The following P2RY8 variants were observed in gnomAD, a reference collection of about 807,000 sequenced individuals.
P2RY8 encodes P2Y receptor family member 8.
Under a neutral mutation model 10.0 loss-of-function variants are expected in P2RY8, and 6 were observed. The observed-to-expected ratio is 0.60, with a 90% CI of 0.33 to 1.19. The LOEUF (loss-of-function observed/expected upper bound fraction) is 1.19, where lower values mean the gene tolerates loss of function less well. P2RY8 is among the 50% of genes most tolerant of loss of function. The pLI, the probability that P2RY8 is intolerant of heterozygous loss-of-function variation, is 0.04. For synonymous variants in P2RY8, 276 were observed against 252.5 expected (o/e 1.09, Z -0.88); for missense variants, 456 against 542.0 (o/e 0.84, Z 1.58).
chrX:1,519,301 T>A, intron 1 of P2RY8, among the ~76,000 whole-genome samples: 1 of 151,922 alleles, frequency 6.6e-6, no homozygotes, highest in East Asian at 1.9e-4. Context: ...TTCTCTCCGA[T>A]CTCCAATTAT....
chrX:1,483,187 T>C (rs1235300815), intron 1 of P2RY8, among the ~76,000 whole-genome samples: 1 of 152,214 alleles, frequency 6.6e-6, no homozygotes, highest in Non-Finnish European at 1.5e-5. Flanking sequence ...AATTGTGATC[T>C]GGTGGATTCT....
chrX:1,493,150 TTG>T (rs1370937874), intron 1 of P2RY8, among the ~76,000 whole-genome samples: 1 of 148,450 alleles, frequency 6.7e-6, no homozygotes, highest in African/African-American at 2.5e-5. Flanking sequence ...TAGCCGGGCG[TTG>T]GGGTGGGCGC....
In P2RY8 at chrX:1,464,446, G is replaced by A. The variant is rs2091633526; in HGVS notation, c.*1033C>T. ...GCTTGGTCTCCAAACGGTCTCATGG[G>A]TCAGGCCAGTTGCCTGCTTCCTGGA... On this transcript the variant is annotated 3_prime_UTR_variant, in exon 2 of 2. Transcript: ENST00000381297. 2 of 233,518 alleles carry A rather than the reference G, an allele frequency of 8.6e-6. No homozygotes were observed. Among genetic ancestry groups the A allele is most frequent in the Non-Finnish European group, 1.7e-5 (2 of 118,274 alleles). The allele number at this position is 233,518 out of a possible 1,614,324, so 14.5% of individuals were successfully genotyped here.
intron 1 of P2RY8, among the ~76,000 whole-genome samples, chrX:1,527,317 T>TATCCATCC (rs1185782663): frequency 6.6e-6 from 1 of 151,928 alleles, no homozygotes; most frequent in South Asian, 2.1e-4. Flanking sequence ...TCCACTCATC[T>TATCCATCC]ATCCATCCAT....
chrX:1,514,326 A>C (rs868653498), intron 1 of P2RY8, among the ~76,000 whole-genome samples: 9 of 122,298 alleles, frequency 7.4e-5, no homozygotes, highest in African/African-American at 1.5e-4. Context: ...TTTCCTTTCC[A>C]TTTCTTTCCT....
At chrX:1,494,249 G>A (rs1434115621) in intron 1 of P2RY8, 1 of 152,270 alleles carries the variant, frequency 6.6e-6, no homozygotes, top group Non-Finnish European at 1.5e-5. Flanking sequence ...GAGCAGGAGT[G>A]GAGGGCCAGC....
chrX:1,515,079 T>G (rs1254421128), intron 1 of P2RY8, among the ~76,000 whole-genome samples: 2 of 150,428 alleles, frequency 1.3e-5, no homozygotes, highest in African/African-American at 2.4e-5. Flanking sequence ...CAGCTAATTT[T>G]TGTATTTTTA....
chrX:1,502,735 C>G (rs2092192229), intron 1 of P2RY8, among the ~76,000 whole-genome samples: 2 of 152,132 alleles, frequency 1.3e-5, no homozygotes, highest in South Asian at 4.2e-4. Context: ...TCTGGGTGGG[C>G]CTTAAATGCA....
intron 1 of P2RY8, among the ~76,000 whole-genome samples, chrX:1,493,593 A>G (rs2092088191): frequency 6.6e-6 from 1 of 152,156 alleles, no homozygotes; most frequent in South Asian, 2.1e-4. Flanking sequence ...TCTCCTCCCC[A>G]CAAAACAAAA....
Position 1,463,429 on chromosome X carries a change from G to A in P2RY8, c.*2050C>T, listed in dbSNP as rs2091615163. On this transcript the variant is annotated 3_prime_UTR_variant, in exon 2 of 2. Transcript: ENST00000381297. The stretch of plus-strand genomic sequence containing the variant: ...GGGGGCTCCAGGTGTCCCTGGGCTT[G>A]TGGCCGCATCACTCCAGTCTGCCTC... 1 of 232,450 alleles carries A rather than the reference G, an allele frequency of 4.3e-6. No individual in the cohort carries two copies. 14.4% of individuals were successfully genotyped at this position (232,450 alleles called of 1,614,324 possible).
intron 1 of P2RY8, among the ~76,000 whole-genome samples, chrX:1,520,200 ATCTG>A (rs1415361350): frequency 2.0e-5 from 3 of 149,590 alleles, no homozygotes; most frequent in Non-Finnish European, 4.4e-5. Context: ...GTCCCTAATA[ATCTG>A]TCTGGTCCCC....
Position 1,463,192 on chromosome X carries a change from C to T in P2RY8, c.*2287G>A. ...ACAGTTTTTTTTCCCCCATGAGACACACCCAAGGCCCACGCTCAGCACTTG... is the reference window on the plus strand; with the variant it reads ...ACAGTTTTTTTTCCCCCATGAGACATACCCAAGGCCCACGCTCAGCACTTG... On this transcript the variant is annotated 3_prime_UTR_variant, in exon 2 of 2. Coordinates refer to ENST00000381297, the MANE Select transcript of P2RY8 (RefSeq NM_178129.5). 1 of 233,202 alleles carries T rather than the reference C, an allele frequency of 4.3e-6. No individual in the cohort carries two copies. Among genetic ancestry groups the T allele is most frequent in the Admixed American group, 5.6e-5 (1 of 17,778 alleles). The allele number at this position is 233,202 out of a possible 1,614,324, so 14.4% of individuals were successfully genotyped here. A position where few individuals can be genotyped will look rare whatever the true frequency, so the allele number is the denominator to read the frequency against.
At chrX:1,508,383 C>T (rs1427925046) in intron 1 of P2RY8, among the ~76,000 whole-genome samples, 2 of 152,148 alleles carry the variant, frequency 1.3e-5, no homozygotes, top group African/African-American at 2.4e-5. Context: ...CCCAGGGACA[C>T]CGTTCAACAC....
chrX:1,504,905 G>C (rs1264470219), intron 1 of P2RY8, among the ~76,000 whole-genome samples: 1 of 152,024 alleles, frequency 6.6e-6, no homozygotes, highest in East Asian at 1.9e-4. Flanking sequence ...AGCCGAGGCG[G>C]GTGGATCACA....
At chrX:1,503,715 C>G (rs2149399004) in intron 1 of P2RY8, among the ~76,000 whole-genome samples, 1 of 150,868 alleles carries the variant, frequency 6.6e-6, no homozygotes, top group South Asian at 2.1e-4. Flanking sequence ...GCCAATGTGG[C>G]AAAACCCCGT....
At chrX:1,526,886 A>ATTTCT (rs1166495756) in intron 1 of P2RY8, among the ~76,000 whole-genome samples, 23 of 151,710 alleles carry the variant, frequency 1.5e-4, no homozygotes, top group African/African-American at 2.7e-4. Context: ...CTATTCATTC[A>ATTTCT]TTTCTTTTCT....
intron 1 of P2RY8, among the ~76,000 whole-genome samples, chrX:1,473,549 ATGAATGG>A (rs2091826016): frequency 9.2e-6 from 1 of 108,960 alleles, no homozygotes; most frequent in Non-Finnish European, 2.2e-5. Context: ...GGGTGGGTGG[ATGAATGG>A]TAGGTGGGTT....
chrX:1,478,272 T>TGTGTGTGTGTGTGTGTGTGTGTGTGTGC (rs1318193075), intron 1 of P2RY8, among the ~76,000 whole-genome samples: 33 of 103,938 alleles, frequency 3.2e-4, no homozygotes, highest in Admixed American at 3.8e-4. Context: ...TGTGTGTGTG[T>TGTGTGTGTGTGTGTGTGTGTGTGTGTGC]GCCCAGCAGG....
intron 1 of P2RY8, among the ~76,000 whole-genome samples, chrX:1,524,994 A>C (rs1468234782): frequency 6.6e-6 from 1 of 152,176 alleles, no homozygotes; most frequent in African/African-American, 2.4e-5. Flanking sequence ...CTGCTCAAGA[A>C]GGTGGTCTCA....
Sources: gnomAD v4.1 joint callset for allele counts (sites outside exome capture counted in the v4.1 genomes callset) on GRCh38, gnomAD v4.1.1 for gene constraint, MANE v1.5 for transcripts, NCBI Gene and HGNC (gene_info 2026-07-23, HGNC 2026-07-21) for gene names.